NCEH1: variants seen among roughly 807,000 people sequenced by gnomAD.
NCEH1 encodes the protein 2-acetyl MAGE hydrolase.
NCEH1 carries 9 observed loss-of-function variants against 25.4 expected under a neutral mutation model. The observed-to-expected ratio is 0.35, with a 90% CI of 0.21 to 0.62. The LOEUF (loss-of-function observed/expected upper bound fraction) is 0.62. Ranked by LOEUF, NCEH1 falls within the 20% of genes least tolerant of loss-of-function variation. NCEH1 has a pLI of 0.72. For missense variants in NCEH1, 412 were observed against 501.1 expected (o/e 0.82, Z 1.70); for synonymous variants, 200 against 199.8 (o/e 1.00, Z -0.01).
At position 172,633,509 on chromosome 3, in the gene NCEH1, T is replaced by C. The variant is rs1003243080; in HGVS notation, c.1193A>G (p.Asn398Ser). The change falls in exon 5 of 5, where the codon AAT becomes AGT. Residue 398 changes from asparagine (N) to serine (S), a missense_variant. This residue lies in a region of NCEH1 where 210 missense variants were observed against 258.2 expected (regional missense o/e 0.81). Transcript: ENST00000475381. ...TNFSVGIRTR[N>S]SYIKWLDQNL The stretch of plus-strand genomic sequence containing the variant: ...TTGATCTAGCCACTTGATGTAACTA[T>C]TCCTAGTCCGGATTCCCACTGAGAA... 3.7e-6 allele frequency: 6 copies of C among 1,613,980 alleles called. No homozygotes were observed. The highest frequency in any genetic ancestry group is 5.1e-6 in the Non-Finnish European group (6 of 1,179,998).
chr3:172,710,715 C>T (rs1714250871), intron 1 of NCEH1, 132 bp downstream of exon 1: 3 of 979,160 alleles, frequency 3.1e-6, no homozygotes. Flanking sequence ...GACTGGACCA[C>T]CTCAAAAAGC....
intron 1 of NCEH1, among the ~76,000 whole-genome samples, chr3:172,705,877 A>G (rs1298451267): frequency 2.6e-5 from 4 of 152,076 alleles, no homozygotes; most frequent in Admixed American, 2.0e-4. Flanking sequence ...GGGCACCTGT[A>G]ATCCCAGCTA....
intron 1 of NCEH1, among the ~76,000 whole-genome samples, chr3:172,688,721 G>A (rs1322964290): frequency 6.6e-6 from 1 of 152,112 alleles, no homozygotes; most frequent in Non-Finnish European, 1.5e-5. Flanking sequence ...CAAATACCAG[G>A]AAGTAGGCTA....
intron 1 of NCEH1, among the ~76,000 whole-genome samples, chr3:172,696,694 T>C (rs1418127916): frequency 6.6e-6 from 1 of 152,188 alleles, no homozygotes; most frequent in African/African-American, 2.4e-5. Context: ...TCGTAAACAC[T>C]ATGAAAATGT....
At chr3:172,691,823 T>C (rs1230621099) in intron 1 of NCEH1, among the ~76,000 whole-genome samples, 1 of 152,274 alleles carries the variant, frequency 6.6e-6, no homozygotes, top group African/African-American at 2.4e-5. Flanking sequence ...TGGCAGCACC[T>C]GTAGTCTCAT....
chr3:172,698,409 G>A (rs1346267629), intron 1 of NCEH1, among the ~76,000 whole-genome samples: 1 of 152,194 alleles, frequency 6.6e-6, no homozygotes, highest in African/African-American at 2.4e-5. Flanking sequence ...TTGGGACAAA[G>A]TGACTTTACC....
chr3:172,693,117 T>C (rs928718622), intron 1 of NCEH1, among the ~76,000 whole-genome samples: 17 of 152,354 alleles, frequency 1.1e-4, no homozygotes, highest in Non-Finnish European at 2.1e-4. Flanking sequence ...TTGTTTGGGA[T>C]TGTCTACATC....
chr3:172,659,501 C>T (rs888277911), intron 1 of NCEH1, among the ~76,000 whole-genome samples: 19 of 152,296 alleles, frequency 1.2e-4, no homozygotes, highest in Middle Eastern at 3.4e-3. Context: ...AGGGCTGTGG[C>T]TGCTGACTCT....
At chr3:172,691,205 C>CA (rs1161276543) in intron 1 of NCEH1, among the ~76,000 whole-genome samples, 1 of 152,162 alleles carries the variant, frequency 6.6e-6, no homozygotes, top group Admixed American at 6.5e-5. Context: ...CCCTCATGAC[C>CA]AAACCCCAGT....
At position 172,633,463 on chromosome 3, in the gene NCEH1, A is replaced by G; in HGVS notation, c.*12T>C. On this transcript the variant is annotated 3_prime_UTR_variant, in exon 5 of 5. Transcript: ENST00000475381. ...TCAAGAGGGGCTCGAGGCTTCTGGA[A>G]GTTTTGCTCCTTTACAGGTTTTGAT... The G allele has an allele frequency of 6.2e-7, 1 of 1,605,760 alleles. No homozygotes were observed. Among genetic ancestry groups the G allele is most frequent in the Non-Finnish European group, 8.5e-7 (1 of 1,174,846 alleles).
intron 1 of NCEH1, among the ~76,000 whole-genome samples, chr3:172,691,923 G>A (rs1404225560): frequency 3.5e-4 from 3 of 8,492 alleles, no homozygotes; most frequent in Non-Finnish European, 5.3e-4. Flanking sequence ...CTCCAGCCTG[G>A]GCGACAGAGC....
At chr3:172,681,736 CAAA>C (rs768887847) in intron 1 of NCEH1, among the ~76,000 whole-genome samples, 1 of 103,888 alleles carries the variant, frequency 9.6e-6, no homozygotes, top group Non-Finnish European at 2.0e-5. Context: ...GTAAAAATAC[CAAA>C]AAAAAAAAAA....
At chr3:172,634,114 C>T in intron 4 of NCEH1, 22 bp from the exon 5 acceptor site, 5 of 1,596,864 alleles carry the variant, frequency 3.1e-6, no homozygotes, top group Non-Finnish European at 4.3e-6. Context: ...GAAGCAAATA[C>T]ATTATTTCAT....
intron 1 of NCEH1, among the ~76,000 whole-genome samples, chr3:172,675,405 T>C (rs148614162): frequency 0.028 from 4,243 of 151,614 alleles, 164 homozygotes; most frequent in African/African-American, 0.083. Context: ...GTAACAAACC[T>C]GCACATTGTG....
At chr3:172,663,172 G>A (rs556982194) in intron 1 of NCEH1, among the ~76,000 whole-genome samples, 102 of 152,058 alleles carry the variant, frequency 6.7e-4, no homozygotes, top group Non-Finnish European at 1.2e-3. Flanking sequence ...CTTTGTTCTC[G>A]TTGGTTTCAA....
chr3:172,669,549 G>A (rs1711509323), intron 1 of NCEH1, among the ~76,000 whole-genome samples: 1 of 152,082 alleles, frequency 6.6e-6, no homozygotes, highest in South Asian at 2.1e-4. Flanking sequence ...CCATTTTAGT[G>A]GTTATTTATT....
chr3:172,654,889 C>T (rs1006136830), intron 1 of NCEH1, among the ~76,000 whole-genome samples: 1 of 152,090 alleles, frequency 6.6e-6, no homozygotes, highest in Admixed American at 6.5e-5. Context: ...AAGAAAAAAT[C>T]TATAATCTCA....
Position 172,701,449 on chromosome 3 carries a change from CTT to C in NCEH1, c.138+9396_138+9397del, listed in dbSNP as rs10701435. Among the ~76,000 whole-genome samples, 37 of 110,884 alleles carry C rather than the reference CTT, an allele frequency of 3.3e-4. 1 individual carries two copies. The highest frequency in any genetic ancestry group is 3.7e-4 in the African/African-American group (9 of 24,188). The allele number at this position is 110,884 out of a possible 152,430, so 72.7% of individuals were successfully genotyped here. ...TAGTGCTTCCTAGATGGTCTTTTGCCTTTTTTTTTTTTTTTTTAAAGACGGAG... is the reference window on the plus strand; with the variant it reads ...TAGTGCTTCCTAGATGGTCTTTTGCCTTTTTTTTTTTTTTTAAAGACGGAG... On this transcript the variant is annotated intron_variant, in intron 1 of 4. Transcript: ENST00000475381.
At chr3:172,659,372 A>C (rs562955861) in intron 1 of NCEH1, among the ~76,000 whole-genome samples, 1 of 152,302 alleles carries the variant, frequency 6.6e-6, no homozygotes, top group Non-Finnish European at 1.5e-5. Flanking sequence ...CCTGGCCTTT[A>C]ATCATCTGTG....
Sources: gnomAD v4.1 joint callset for allele counts (sites outside exome capture counted in the v4.1 genomes callset) on GRCh38, gnomAD v4.1.1 for gene constraint, gnomAD v4.1.1 regional missense constraint, MANE v1.5 for transcripts, NCBI Gene and HGNC (gene_info 2026-07-23, HGNC 2026-07-21) for gene names.